Variants in AUH observed in about 807,000 individuals in gnomAD.
The protein encoded by AUH is AU RNA binding methylglutaconyl-CoA hydratase, also known as methylglutaconyl-CoA hydratase, mitochondrial.
Under a neutral mutation model 42.3 loss-of-function variants are expected in AUH, and 29 were observed. That is an observed-to-expected ratio of 0.69 (90% CI 0.51 to 0.93). AUH has a LOEUF of 0.93. Ranked by LOEUF, AUH falls within the 40% of genes least tolerant of loss-of-function variation. The probability of loss-of-function intolerance (pLI) is 0.00; values close to 1 mark genes in which losing one functional copy is unlikely to be tolerated. For missense variants in AUH, 452 were observed against 438.1 expected (o/e 1.03, Z -0.28); for synonymous variants, 174 against 166.4 (o/e 1.05, Z -0.35).
At chr9:91,216,586 T>C (rs550189884) in intron 8 of AUH, among the ~76,000 whole-genome samples, 6 of 152,354 alleles carry the variant, frequency 3.9e-5, no homozygotes, top group Non-Finnish European at 8.8e-5. Context: ...TTTACTGTTA[T>C]ACAGTATTGA....
chr9:91,341,730 G>A (rs911481223), intron 3 of AUH, among the ~76,000 whole-genome samples: 4 of 152,210 alleles, frequency 2.6e-5, no homozygotes, highest in African/African-American at 4.8e-5. Flanking sequence ...TAATGCCAAC[G>A]AAAGGAGCTT....
At chr9:91,331,643 GA>G (rs978423277) in intron 3 of AUH, among the ~76,000 whole-genome samples, 2 of 152,162 alleles carry the variant, frequency 1.3e-5, no homozygotes, top group Non-Finnish European at 2.9e-5. Context: ...ACAATTTTGA[GA>G]AAACATATAT....
Position 91,214,274 on chromosome 9 carries a change from G to A in AUH, c.*74C>T. Reference sequence around the variant, plus strand: ...GGTCATTAAGGTTCCATGTGCTGAGGCATATAGTGGATCCGAAAGACACTT... The same window carrying A: ...GGTCATTAAGGTTCCATGTGCTGAGACATATAGTGGATCCGAAAGACACTT... On this transcript the variant is annotated 3_prime_UTR_variant, in exon 10 of 10. Transcript: ENST00000375731. The A allele has an allele frequency of 8.0e-7, 1 of 1,250,306 alleles. No homozygotes were observed. Among genetic ancestry groups the A allele is most frequent in the East Asian group, 2.5e-5 (1 of 40,458 alleles). 77.5% of individuals were successfully genotyped at this position (1,250,306 alleles called of 1,614,324 possible). A position where few individuals can be genotyped will look rare whatever the true frequency, so the allele number is the denominator to read the frequency against.
chr9:91,226,833 C>G (rs1256809642), intron 6 of AUH, among the ~76,000 whole-genome samples: 139 of 101,224 alleles, frequency 1.4e-3, no homozygotes, highest in Middle Eastern at 4.2e-3. Context: ...GCTTGTTTTT[C>G]TCAGGTTTGT....
chr9:91,349,536 C>T (rs1396353821), intron 3 of AUH, among the ~76,000 whole-genome samples: 1 of 152,204 alleles, frequency 6.6e-6, no homozygotes, highest in East Asian at 1.9e-4. Flanking sequence ...TCCAACGCAG[C>T]AGCCCAATCA....
At chr9:91,293,144 T>G (rs1827047045) in intron 6 of AUH, among the ~76,000 whole-genome samples, 1 of 152,132 alleles carries the variant, frequency 6.6e-6, no homozygotes, top group South Asian at 2.1e-4. Flanking sequence ...TTTCCTTGGG[T>G]CTCTCTATTC....
At chr9:91,215,299 C>T (rs1330568145) in intron 9 of AUH, among the ~76,000 whole-genome samples, 1 of 152,104 alleles carries the variant, frequency 6.6e-6, no homozygotes, top group Non-Finnish European at 1.5e-5. Flanking sequence ...GGATTGGTTA[C>T]AGGACCTCCT....
rs570733679 is a variant in AUH at position 91,316,599 on chromosome 9, C to G, written c.505+8719G>C. Among the ~76,000 whole-genome samples, 504 of 152,256 alleles carry G rather than the reference C, an allele frequency of 3.3e-3. 8 individuals carry two copies. The highest frequency in any genetic ancestry group is 6.4e-3 in the South Asian group (31 of 4,822). ...ATCTGGTGGATGTAAAATGGCATCC[C>G]ACTGTGGTCTTAATTGCAGGTCTAT... On this transcript the variant is annotated intron_variant, in intron 4 of 9. Coordinates refer to ENST00000375731, the MANE Select transcript of AUH (RefSeq NM_001698.3).
chr9:91,216,298 A>G (rs954165486), intron 8 of AUH, among the ~76,000 whole-genome samples, 192 bp from the exon 9 acceptor site: 1 of 152,146 alleles, frequency 6.6e-6, no homozygotes, highest in African/African-American at 2.4e-5. Flanking sequence ...CTCACTTGGG[A>G]GCTGAGTTAC....
At chr9:91,302,664 G>T (rs1827892290) in intron 4 of AUH, among the ~76,000 whole-genome samples, 1 of 152,174 alleles carries the variant, frequency 6.6e-6, no homozygotes, top group South Asian at 2.1e-4. Flanking sequence ...CAGCTACTGG[G>T]AAGGTGAGGC....
rs576394785 is a variant in AUH, at chr9:91,349,826, T to G, written c.418+6057A>C. 2.6e-5 allele frequency among the ~76,000 whole-genome samples: 4 copies of G among 152,328 alleles called. 1 individual carries two copies. Among genetic ancestry groups the G allele is most frequent in the African/African-American group, 9.6e-5 (4 of 41,570 alleles). On this transcript the variant is annotated intron_variant, in intron 3 of 9. Coordinates refer to ENST00000375731, the MANE Select transcript of AUH (RefSeq NM_001698.3). ...AATCTCACATAATCCATGTAGCCAATGCTTCACAAGAAGCTTTGACTAACA... is the reference window on the plus strand; with the variant it reads ...AATCTCACATAATCCATGTAGCCAAGGCTTCACAAGAAGCTTTGACTAACA...
chr9:91,221,455 C>T (rs1827131051), intron 6 of AUH, among the ~76,000 whole-genome samples: 1 of 152,212 alleles, frequency 6.6e-6, no homozygotes, highest in Non-Finnish European at 1.5e-5. Context: ...ATGGCGAATA[C>T]ATTGTAAACA....
intron 6 of AUH, among the ~76,000 whole-genome samples, chr9:91,225,326 A>G (rs1376386038): frequency 6.6e-6 from 1 of 152,232 alleles, no homozygotes; most frequent in Non-Finnish European, 1.5e-5. Flanking sequence ...AAATGTAAAG[A>G]GGAGAACTAG....
intron 9 of AUH, among the ~76,000 whole-genome samples, chr9:91,215,526 C>CT (rs879805395): frequency 3.3e-5 from 5 of 151,630 alleles, no homozygotes; most frequent in Non-Finnish European, 7.4e-5. Flanking sequence ...ATGCAACCAT[C>CT]TTTTTTTTTC....
chr9:91,315,524 T>C (rs1257404993), intron 4 of AUH, among the ~76,000 whole-genome samples: 6 of 152,152 alleles, frequency 3.9e-5, no homozygotes, highest in African/African-American at 7.2e-5. Flanking sequence ...AATAGCCACC[T>C]TGCAGGCTGT....
intron 4 of AUH, among the ~76,000 whole-genome samples, chr9:91,319,940 G>A (rs190356598): frequency 3.4e-4 from 52 of 152,226 alleles, no homozygotes; most frequent in African/African-American, 1.2e-3. Context: ...TTTCACTCCT[G>A]CTCTAAAACT....
intron 4 of AUH, among the ~76,000 whole-genome samples, chr9:91,324,370 G>A (rs1458518460): frequency 6.6e-6 from 1 of 151,990 alleles, no homozygotes; most frequent in Non-Finnish European, 1.5e-5. Context: ...AGGCCTGATG[G>A]TTCACACCTG....
At chr9:91,304,743 T>C (rs1217316914) in intron 4 of AUH, among the ~76,000 whole-genome samples, 1 of 152,246 alleles carries the variant, frequency 6.6e-6, no homozygotes, top group Non-Finnish European at 1.5e-5. Context: ...AAAATGTTTC[T>C]AACTAAAGAA....
intron 9 of AUH, among the ~76,000 whole-genome samples, chr9:91,215,283 T>C (rs1232230981): frequency 6.6e-6 from 1 of 152,184 alleles, no homozygotes; most frequent in Non-Finnish European, 1.5e-5. Context: ...CTCAGTTATC[T>C]GCAGGGGATT....
Sources: gnomAD v4.1 joint callset for allele counts (sites outside exome capture counted in the v4.1 genomes callset) on GRCh38, gnomAD v4.1.1 for gene constraint, MANE v1.5 for transcripts, NCBI Gene and HGNC (gene_info 2026-07-23, HGNC 2026-07-21) for gene names.